Variants in SLIT3 observed in about 807,000 individuals in gnomAD.
SLIT3 encodes slit homolog 3 protein.
SLIT3 carries 68 observed loss-of-function variants against 184.0 expected under a neutral mutation model. The ratio of observed to expected loss-of-function variants is 0.37; its 90% CI spans 0.30 to 0.45. The LOEUF (loss-of-function observed/expected upper bound fraction) is 0.45. Ranked by LOEUF, SLIT3 falls within the 20% of genes least tolerant of loss-of-function variation. SLIT3 has a pLI of 1.00. For synonymous variants in SLIT3, 831 were observed against 828.6 expected (o/e 1.00, Z -0.05); for missense variants, 1,707 against 2,026.0 (o/e 0.84, Z 3.02).
chr5:168,910,730 A>G (rs1472698468), intron 4 of SLIT3, among the ~76,000 whole-genome samples: 1 of 148,582 alleles, frequency 6.7e-6, no homozygotes. Flanking sequence ...TGGGCGACAG[A>G]GTGAGACTCT....
intron 5 of SLIT3, among the ~76,000 whole-genome samples, chr5:168,882,118 G>A (rs1369032882): frequency 6.6e-6 from 1 of 152,198 alleles, no homozygotes; most frequent in Non-Finnish European, 1.5e-5. Context: ...GCTGCCTTGA[G>A]TGTGCCAGTA....
At chr5:168,845,015 G>T (rs924411760) in intron 5 of SLIT3, among the ~76,000 whole-genome samples, 1 of 147,492 alleles carries the variant, frequency 6.8e-6, no homozygotes, top group African/African-American at 2.5e-5. Flanking sequence ...CTAAAGGCCT[G>T]TAAATCATTG....
intron 4 of SLIT3, among the ~76,000 whole-genome samples, chr5:168,910,889 A>G (rs1277182213): frequency 6.6e-6 from 1 of 152,232 alleles, no homozygotes; most frequent in East Asian, 1.9e-4. Flanking sequence ...TGTGTCCTTC[A>G]GAAGGGCAAC....
At chr5:169,263,307 C>T (rs1315886935) in intron 1 of SLIT3, among the ~76,000 whole-genome samples, 1 of 152,046 alleles carries the variant, frequency 6.6e-6, no homozygotes, top group Non-Finnish European at 1.5e-5. Context: ...TGCACTGCTC[C>T]AGCCAGAGTG....
intron 12 of SLIT3, among the ~76,000 whole-genome samples, chr5:168,784,873 A>C (rs1345206119): frequency 6.6e-6 from 1 of 150,830 alleles, no homozygotes; most frequent in African/African-American, 2.5e-5. Flanking sequence ...AAAAAGACAC[A>C]CACACACACA....
At chr5:169,136,349 G>A (rs1035532338) in intron 4 of SLIT3, among the ~76,000 whole-genome samples, 3 of 152,304 alleles carry the variant, frequency 2.0e-5, no homozygotes, top group African/African-American at 7.2e-5. Flanking sequence ...AAGGGCAGGT[G>A]TTTCCCAACA....
intron 4 of SLIT3, among the ~76,000 whole-genome samples, chr5:168,936,279 G>A (rs1762155210): frequency 6.6e-6 from 1 of 152,166 alleles, no homozygotes; most frequent in South Asian, 2.1e-4. Context: ...TCTGTCACCT[G>A]GCTGGAGTTC....
chr5:169,212,089 C>A (rs1764284583), intron 3 of SLIT3, among the ~76,000 whole-genome samples: 1 of 152,164 alleles, frequency 6.6e-6, no homozygotes. Context: ...CATACATGTG[C>A]ATGTGTCTTT....
chr5:168,749,502 C>T lies in SLIT3; in HGVS notation c.2107G>A (p.Asp703Asn), dbSNP rs866280975. Reference sequence around the variant, plus strand: ...CAGGTGAAGTCCTGGATGGCCACATCCTGGATGGGAATCTCCTTGAGGAAA... The same window carrying T: ...CAGGTGAAGTCCTGGATGGCCACATTCTGGATGGGAATCTCCTTGAGGAAA... ...PFFLKEIPIQDVAIQDFTCDG... is the reference protein window; with the variant it reads ...PFFLKEIPIQNVAIQDFTCDG... The change falls in exon 19 of 36, where the codon GAT (aspartate) becomes AAT (asparagine). Residue 703 changes from aspartate (D) to asparagine (N), a missense_variant. By Grantham distance (23) the Asp-to-Asn change is conservative (BLOSUM62 1). Coordinates refer to ENST00000519560, the MANE Select transcript of SLIT3 (RefSeq NM_003062.4). The T allele has an allele frequency of 6.2e-7, 1 of 1,614,180 alleles. No homozygotes were observed. Among genetic ancestry groups the T allele is most frequent in the East Asian group, 2.2e-5 (1 of 44,870 alleles).
chr5:168,812,395 T>TA (rs1437200193), intron 8 of SLIT3, among the ~76,000 whole-genome samples: 1 of 152,240 alleles, frequency 6.6e-6, no homozygotes, highest in Non-Finnish European at 1.5e-5. Context: ...ACAGACATGC[T>TA]AAATCCTCTG....
chr5:169,238,543 C>CTTT (rs71698425), intron 3 of SLIT3, among the ~76,000 whole-genome samples: 8,345 of 116,966 alleles, frequency 0.071, 416 homozygotes, highest in African/African-American at 0.098. Flanking sequence ...AGTGAAATAG[C>CTTT]TTTTTTTTTT....
chr5:168,665,129 GGT>G lies in SLIT3; in HGVS notation c.*1323_*1324del, dbSNP rs1323764140. The G allele has an allele frequency of 1.2e-4, 18 of 152,348 alleles. No homozygotes were observed. The East Asian group carries it at 3.5e-3, about 29-fold the overall frequency. 9.4% of individuals were successfully genotyped at this position (152,348 alleles called of 1,614,324 possible). On this transcript the variant is annotated 3_prime_UTR_variant, in exon 36 of 36. Coordinates refer to ENST00000519560, the MANE Select transcript of SLIT3 (RefSeq NM_003062.4). ...TCTGGTCTGGCTCCTCCACTTATCT[GGT>G]GTGTGGCTTAAGGCAAGTTCCAGAG...
intron 4 of SLIT3, among the ~76,000 whole-genome samples, chr5:168,958,808 T>G (rs1426319689): frequency 5.9e-5 from 9 of 152,350 alleles, no homozygotes; most frequent in African/African-American, 2.2e-4. Flanking sequence ...CATTCTTTTC[T>G]CCAAACTCCA....
At chr5:169,261,225 G>A (rs1484228270) in intron 1 of SLIT3, among the ~76,000 whole-genome samples, 2 of 151,572 alleles carry the variant, frequency 1.3e-5, no homozygotes, top group African/African-American at 4.9e-5. Flanking sequence ...AGGAACAGGT[G>A]ACATTTTAAT....
At chr5:168,806,997 G>T (rs934318497) in intron 8 of SLIT3, among the ~76,000 whole-genome samples, 1 of 152,158 alleles carries the variant, frequency 6.6e-6, no homozygotes, top group Admixed American at 6.5e-5. Context: ...TTCTCTAGTG[G>T]CTGCAAGCCA....
At chr5:169,167,171 TAAAAAC>T (rs1020203416) in intron 4 of SLIT3, among the ~76,000 whole-genome samples, 5 of 149,754 alleles carry the variant, frequency 3.3e-5, no homozygotes, top group African/African-American at 4.9e-5. Context: ...CCCTGTCTCT[TAAAAAC>T]AAAAACAAAA....
chr5:169,221,317 G>T (rs1371278224), intron 3 of SLIT3, among the ~76,000 whole-genome samples: 1 of 152,124 alleles, frequency 6.6e-6, no homozygotes, highest in East Asian at 1.9e-4. Context: ...TTTCTCTCTG[G>T]CTCCGGCTCT....
chr5:169,061,249 C>G (rs1758164502), intron 4 of SLIT3, among the ~76,000 whole-genome samples: 2 of 152,214 alleles, frequency 1.3e-5, no homozygotes, highest in South Asian at 2.1e-4. Context: ...TCACTGGGCT[C>G]TCTTCAGCAG....
chr5:168,883,943 G>A (rs745597636), intron 4 of SLIT3, among the ~76,000 whole-genome samples: 1 of 152,106 alleles, frequency 6.6e-6, no homozygotes, highest in Non-Finnish European at 1.5e-5. Context: ...TCCATGCAAA[G>A]TGGGGGTCCC....
Sources: allele counts gnomAD v4.1 joint callset (sites outside exome capture counted in the v4.1 genomes callset), GRCh38; gene constraint gnomAD v4.1.1; transcripts MANE v1.5; gene names NCBI Gene and HGNC (gene_info 2026-07-23, HGNC 2026-07-21).